SYT13: variants seen among roughly 807,000 people sequenced by gnomAD.
SYT13 encodes the protein synaptotagmin-13.
Under a neutral mutation model 38.6 loss-of-function variants are expected in SYT13, and 21 were observed. The ratio of observed to expected loss-of-function variants is 0.54; its 90% CI spans 0.39 to 0.78. The LOEUF (loss-of-function observed/expected upper bound fraction) is 0.78, where lower values mean the gene tolerates loss of function less well. Ranked by LOEUF, SYT13 falls within the 30% of genes least tolerant of loss-of-function variation. The pLI is 0.00. For synonymous variants in SYT13, 241 were observed against 237.6 expected, an observed-to-expected ratio of 1.01 and a Z score of -0.13; for missense variants, 495 against 548.7, an observed-to-expected ratio of 0.90 and a Z score of 0.98.
At chr11:45,259,833 T>A (rs184183535) in intron 1 of SYT13, among the ~76,000 whole-genome samples, 224 of 152,342 alleles carry the variant, frequency 1.5e-3, no homozygotes, top group Non-Finnish European at 2.4e-3. Flanking sequence ...GCCTTGTGAC[T>A]GCAAGGTGAG....
rs1854556148 is a variant in SYT13 at position 45,241,892 on chromosome 11, C to T, written c.*2160G>A. The T allele has an allele frequency of 6.6e-6, 1 of 152,244 alleles. No homozygotes were observed. Among genetic ancestry groups the T allele is most frequent in the Non-Finnish European group, 1.5e-5 (1 of 68,036 alleles). The allele number at this position is 152,244 out of a possible 1,614,324, so 9.4% of individuals were successfully genotyped here. Reference sequence around the variant, plus strand: ...TACACAACACTTGGCAGGGGCTGGCCAACCTCAGTGATGAAGGTTTCCAAT... The same window carrying T: ...TACACAACACTTGGCAGGGGCTGGCTAACCTCAGTGATGAAGGTTTCCAAT... On this transcript the variant is annotated 3_prime_UTR_variant, in exon 6 of 6. Coordinates refer to ENST00000020926, the MANE Select transcript of SYT13 (RefSeq NM_020826.3).
At chr11:45,269,224 G>T (rs775895251) in intron 1 of SYT13, among the ~76,000 whole-genome samples, 1 of 152,140 alleles carries the variant, frequency 6.6e-6, no homozygotes, top group Non-Finnish European at 1.5e-5. Context: ...CAGTCAGTCC[G>T]CAGGTGCAAT....
chr11:45,267,041 T>G (rs1438081901), intron 1 of SYT13, among the ~76,000 whole-genome samples: 2 of 152,222 alleles, frequency 1.3e-5, no homozygotes, highest in Non-Finnish European at 2.9e-5. Context: ...CCTGCACTGT[T>G]CAAACATAAA....
At chr11:45,285,717 T>G in intron 1 of SYT13, 7 of 604,820 alleles carry the variant, frequency 1.2e-5, no homozygotes, top group Non-Finnish European at 1.8e-5. Context: ...CCAGCCCTAA[T>G]TCTTATCCAG....
Position 45,252,395 on chromosome 11 carries a change from C to A in SYT13, c.846+26G>T. On this transcript the variant is annotated intron_variant, in intron 4 of 5. Coordinates refer to ENST00000020926, the MANE Select transcript of SYT13 (RefSeq NM_020826.3). The surrounding 1 kb of genome is among the most constrained non-coding windows in gnomAD (Gnocchi z 4.3). ...TCCCATGCTGCACGGGCAGGTTTTA[C>A]CTTTCTAACCCAGGGGTTACCCTAC... is the stretch of plus-strand genomic sequence containing the variant. The A allele has an allele frequency of 6.5e-7, 1 of 1,535,998 alleles. No homozygotes were observed. The highest frequency in any genetic ancestry group is 8.8e-7 in the Non-Finnish European group (1 of 1,141,794).
At position 45,255,889 on chromosome 11, in the gene SYT13, G is replaced by A. The variant is rs1475539662; in HGVS notation, c.186C>T (p.Phe62=). The A allele has an allele frequency of 6.2e-7, 1 of 1,613,874 alleles. No individual in the cohort carries two copies. The highest frequency in any genetic ancestry group is 8.5e-7 in the Non-Finnish European group (1 of 1,179,992). Reference sequence around the variant, plus strand: ...CAGGTTCCGTGGACTTTTTAACATTGAACTGCAAACACAAATTACTCTGAT... The same window carrying A: ...CAGGTTCCGTGGACTTTTTAACATTAAACTGCAAACACAAATTACTCTGAT... ...KPSLLGSAQQ[F]NVKKSTEPVQ... Residue 62 remains phenylalanine (F), a splice_region_variant and synonymous_variant, in exon 2 of 6, where the codon TTC becomes TTT. Coordinates refer to ENST00000020926, the MANE Select transcript of SYT13 (RefSeq NM_020826.3).
At chr11:45,268,086 C>G (rs533655169) in intron 1 of SYT13, among the ~76,000 whole-genome samples, 1 of 152,302 alleles carries the variant, frequency 6.6e-6, no homozygotes, top group East Asian at 1.9e-4. Flanking sequence ...ATGTGACCGA[C>G]TTGGAGATTT....
rs1334028513 is a variant in SYT13, at chr11:45,241,300, G to C, written c.*2752C>G. Reference sequence around the variant, plus strand: ...CAACAAATATATATGAATATATATGGAGCACCCATGAGACAGCTTTATCCC... The same window carrying C: ...CAACAAATATATATGAATATATATGCAGCACCCATGAGACAGCTTTATCCC... On this transcript the variant is annotated 3_prime_UTR_variant, in exon 6 of 6. Coordinates refer to ENST00000020926, the MANE Select transcript of SYT13 (RefSeq NM_020826.3). The C allele has an allele frequency of 6.6e-6, 1 of 152,058 alleles. No individual in the cohort carries two copies. The highest frequency in any genetic ancestry group is 1.5e-5 in the Non-Finnish European group (1 of 68,016). 9.4% of individuals were successfully genotyped at this position (152,058 alleles called of 1,614,324 possible). A position where few individuals can be genotyped will look rare whatever the true frequency, so the allele number is the denominator to read the frequency against.
rs1296672902 is a variant in SYT13 at position 45,242,277 on chromosome 11, G to C, written c.*1775C>G. 1.3e-5 allele frequency: 2 copies of C among 152,182 alleles called. No homozygotes were observed. Among genetic ancestry groups the C allele is most frequent in the African/African-American group, 4.8e-5 (2 of 41,424 alleles). The allele number at this position is 152,182 out of a possible 1,614,324, so 9.4% of individuals were successfully genotyped here. A position where few individuals can be genotyped will look rare whatever the true frequency, so the allele number is the denominator to read the frequency against. ...GGGCATTCTCAGCTGCCAAATTAAA[G>C]TGAAAAATAGGCCGGGCGCGGTGGC... On this transcript the variant is annotated 3_prime_UTR_variant, in exon 6 of 6. Transcript: ENST00000020926.
In SYT13 at chr11:45,240,669, T is replaced by C. The variant is rs970476907; in HGVS notation, c.*3383A>G. ...ATGCAAGGTCTTAATCAATAAGTGC[T>C]CAACAAATAGATATTGATTTGGTGC... On this transcript the variant is annotated 3_prime_UTR_variant, in exon 6 of 6. Coordinates refer to ENST00000020926, the MANE Select transcript of SYT13 (RefSeq NM_020826.3). 2.0e-5 allele frequency: 3 copies of C among 152,234 alleles called. No individual in the cohort carries two copies. Among genetic ancestry groups the C allele is most frequent in the African/African-American group, 7.2e-5 (3 of 41,460 alleles). 9.4% of individuals were successfully genotyped at this position (152,234 alleles called of 1,614,324 possible).
intron 1 of SYT13, among the ~76,000 whole-genome samples, chr11:45,280,945 A>G (rs1025147781): frequency 7.2e-5 from 11 of 152,252 alleles, no homozygotes; most frequent in African/African-American, 2.7e-4. Flanking sequence ...CTGTAATCCT[A>G]GCATTTTGAG....
At chr11:45,255,369 TCTGAAGC>T (rs1272012872) in intron 2 of SYT13, among the ~76,000 whole-genome samples, 35 of 152,194 alleles carry the variant, frequency 2.3e-4, no homozygotes, top group Non-Finnish European at 4.4e-4. Context: ...AACCCTTGAC[TCTGAAGC>T]CCATGGTTTT....
At chr11:45,244,666 C>G (rs2135883462) in intron 5 of SYT13, among the ~76,000 whole-genome samples, 1 of 152,254 alleles carries the variant, frequency 6.6e-6, no homozygotes, top group East Asian at 1.9e-4. Flanking sequence ...GGGGATTATT[C>G]TCCACTCCCC....
intron 1 of SYT13, among the ~76,000 whole-genome samples, chr11:45,274,959 G>C (rs991077778): frequency 6.6e-6 from 1 of 152,126 alleles, no homozygotes; most frequent in African/African-American, 2.4e-5. Context: ...GACCTGAAAG[G>C]AGAGAAACCT....
chr11:45,252,442 G>A lies in SYT13; in HGVS notation c.825C>T (p.Gly275=), dbSNP rs138799163. The A allele has an allele frequency of 1.4e-5, 23 of 1,594,104 alleles. No individual in the cohort carries two copies. The highest frequency in any genetic ancestry group is 5.1e-5 in the Admixed American group (3 of 59,208). Residue 275 remains glycine, a synonymous_variant, in exon 4 of 6, where the codon GGC becomes GGT. Transcript: ENST00000020926. The surrounding 1 kb of genome is among the most constrained non-coding windows in gnomAD (Gnocchi z 4.3). Reference sequence around the variant, plus strand: ...CTACCTTCGCTGAAGTCTTCAGCTCGCCCCACTGGGCAGCCCCTAGAGGCA... The same window carrying A: ...CTACCTTCGCTGAAGTCTTCAGCTCACCCCACTGGGCAGCCCCTAGAGGCA... ...TSVPLGAAQW[G]ELKTSAKEPS... is the part of the protein sequence containing the mutation.
chr11:45,245,636 A>G (rs1849665090), intron 5 of SYT13, among the ~76,000 whole-genome samples: 1 of 152,224 alleles, frequency 6.6e-6, no homozygotes, highest in African/African-American at 2.4e-5. Context: ...TCCAGGTATT[A>G]TCTGGCTAGC....
At chr11:45,249,098 A>G (rs1231147349) in intron 4 of SYT13, among the ~76,000 whole-genome samples, 1 of 152,236 alleles carries the variant, frequency 6.6e-6, no homozygotes, top group African/African-American at 2.4e-5. Context: ...AAAGGATATG[A>G]ACAGACACTT....
At chr11:45,251,391 A>AAG (rs1854672890) in intron 4 of SYT13, among the ~76,000 whole-genome samples, 1 of 151,010 alleles carries the variant, frequency 6.6e-6, no homozygotes, top group Non-Finnish European at 1.5e-5. Context: ...CTGTCTAAAA[A>AAG]AAAAAAAAAA....
rs779168504 is a variant in SYT13, at chr11:45,255,673, A to G, written c.402T>C (p.Pro134=). The G allele has an allele frequency of 2.5e-6, 4 of 1,613,962 alleles. No individual in the cohort carries two copies. Among genetic ancestry groups the G allele is most frequent in the Non-Finnish European group, 2.5e-6 (3 of 1,179,968 alleles). The change falls in exon 2 of 6, where the codon CCT becomes CCC. Residue 134 remains proline (P), a synonymous_variant. Transcript: ENST00000020926. The part of the protein sequence containing the change: ...RQVTEELFIL[P]QNGVVEDVCV... ...GGGGCAGGAGACCCCTACCATTCTG[A>G]GGGAGGATGAACAGCTCCTCTGTGA...
Sources: gnomAD v4.1 joint callset for allele counts (sites outside exome capture counted in the v4.1 genomes callset) on GRCh38, gnomAD v4.1.1 for gene constraint, Gnocchi (gnomAD v3.1) non-coding constraint, MANE v1.5 for transcripts, NCBI Gene and HGNC (gene_info 2026-07-23, HGNC 2026-07-21) for gene names.